The following SFMBT2 variants were observed in gnomAD, a reference collection of about 807,000 sequenced individuals.
The protein encoded by SFMBT2 is scm-like with four MBT domains protein 2.
In SFMBT2, 38 loss-of-function variants were observed where a neutral mutation model predicts 110.1. The observed-to-expected ratio is 0.35, with a 90% CI of 0.27 to 0.45. The LOEUF (loss-of-function observed/expected upper bound fraction) is 0.45, where lower values mean the gene tolerates loss of function less well. Among genes scored for constraint, SFMBT2 ranks in the 20% least tolerant of loss-of-function variants. The probability of loss-of-function intolerance (pLI) is 1.00; values close to 1 mark genes in which losing one functional copy is unlikely to be tolerated. For missense variants in SFMBT2, 1,011 were observed against 1,094.9 expected (o/e 0.92, Z 1.08); for synonymous variants, 425 against 425.4 (o/e 1.00, Z 0.01).
rs1402650139 is a variant in SFMBT2 at position 7,186,423 on chromosome 10, TATAC to T, written c.1808+2197_1808+2200del. Among the ~76,000 whole-genome samples the T allele has an allele frequency of 9.2e-3, 989 of 108,066 alleles. 4 individuals carry two copies. The highest frequency in any genetic ancestry group is 0.025 in the African/African-American group (685 of 27,206). The allele number at this position is 108,066 out of a possible 152,430, so 70.9% of individuals were successfully genotyped here. ...CATATACACATACATACATACTATA[TATAC>T]ACACACACACACACACACACACACA... is the stretch of plus-strand genomic sequence containing the variant. On this transcript the variant is annotated intron_variant, in intron 16 of 20. Transcript: ENST00000397167.
At chr10:7,360,879 A>T (rs1393201622) in intron 4 of SFMBT2, among the ~76,000 whole-genome samples, 1 of 152,238 alleles carries the variant, frequency 6.6e-6, no homozygotes, top group African/African-American at 2.4e-5. Context: ...TTTGTTTCCT[A>T]CCTGAATGTT....
intron 4 of SFMBT2, among the ~76,000 whole-genome samples, chr10:7,353,186 C>T (rs149367343): frequency 6.6e-6 from 1 of 151,954 alleles, no homozygotes; most frequent in Non-Finnish European, 1.5e-5. Context: ...TCATATATTC[C>T]CACCCAAAAA....
chr10:7,410,413 G>A (rs1461526594), intron 1 of SFMBT2, among the ~76,000 whole-genome samples: 1 of 152,246 alleles, frequency 6.6e-6, no homozygotes, highest in African/African-American at 2.4e-5. Flanking sequence ...CGCGGGGTAG[G>A]TAGCAGCGGC....
rs1037227493 is a variant in SFMBT2, at chr10:7,305,054, G to A, written c.437-19100C>T. Reference sequence around the variant, plus strand: ...GTCCCTCTCCTTCTACAGAAAGAGCGCCTGTGTTCATTAGTAAAGTATTAA... The same window carrying A: ...GTCCCTCTCCTTCTACAGAAAGAGCACCTGTGTTCATTAGTAAAGTATTAA... On this transcript the variant is annotated intron_variant, in intron 4 of 20. Transcript: ENST00000397167. Among the ~76,000 whole-genome samples, 9 of 152,182 alleles carry A rather than the reference G, an allele frequency of 5.9e-5. No individual in the cohort carries two copies. The South Asian group carries it at 6.2e-4, about 10-fold the overall frequency.
intron 16 of SFMBT2, among the ~76,000 whole-genome samples, chr10:7,182,134 T>G (rs1259061783): frequency 6.6e-6 from 1 of 152,084 alleles, no homozygotes; most frequent in African/African-American, 2.4e-5. Context: ...ATCTCCCAGG[T>G]TCAAGCGATT....
chr10:7,236,297 C>G (rs1840251466), intron 9 of SFMBT2, among the ~76,000 whole-genome samples: 2 of 152,176 alleles, frequency 1.3e-5, no homozygotes, highest in African/African-American at 4.8e-5. Flanking sequence ...ACCTTACAAA[C>G]CAATGCTAAA....
At chr10:7,179,764 C>T (rs1168028764) in intron 16 of SFMBT2, among the ~76,000 whole-genome samples, 10 of 152,184 alleles carry the variant, frequency 6.6e-5, no homozygotes, top group African/African-American at 2.4e-5. Flanking sequence ...ATGAAGGGAG[C>T]GGTTATCTGG....
chr10:7,214,621 C>G, intron 11 of SFMBT2: 1 of 985,504 alleles, frequency 1.0e-6, no homozygotes, highest in Admixed American at 6.1e-5. Context: ...AGAAACTACA[C>G]ACGTAGCGGA....
intron 14 of SFMBT2, 100 bp from the exon 15 acceptor site, chr10:7,197,787 C>G (rs757584231): frequency 6.8e-7 from 1 of 1,469,758 alleles, no homozygotes; most frequent in Non-Finnish European, 9.0e-7. Flanking sequence ...GGAAAAGGAC[C>G]ACACAGAGCT....
In SFMBT2 at chr10:7,197,641, G is replaced by A. The variant is rs1838820254; in HGVS notation, c.1605C>T (p.His535=). The A allele has an allele frequency of 6.2e-7, 1 of 1,614,110 alleles. No individual in the cohort carries two copies. Among genetic ancestry groups the A allele is most frequent in the African/African-American group, 1.3e-5 (1 of 74,952 alleles). Residue 535 remains histidine (H), a synonymous_variant, in exon 15 of 21, where the codon CAC becomes CAT. Transcript: ENST00000397167. ...TCAGGTAAGGGCCTGAGAAACACCT[G>A]TGGTTGATGAAGAGCTGAGGACAGC... is the stretch of plus-strand genomic sequence containing the variant. The part of the protein sequence containing the change: ...KYCCPQLFIN[H]RCFSGPYLNK...
intron 4 of SFMBT2, among the ~76,000 whole-genome samples, chr10:7,334,536 C>A (rs1408351643): frequency 6.6e-6 from 1 of 152,208 alleles, no homozygotes; most frequent in African/African-American, 2.4e-5. Flanking sequence ...AGGACCACAA[C>A]AGAGTGTTTG....
intron 10 of SFMBT2, among the ~76,000 whole-genome samples, chr10:7,220,850 AG>A (rs1839708044): frequency 6.8e-6 from 1 of 147,214 alleles, no homozygotes; most frequent in Non-Finnish European, 1.5e-5. Context: ...TTTTTGAGAC[AG>A]AGTCTGGCTC....
intron 7 of SFMBT2, among the ~76,000 whole-genome samples, chr10:7,255,667 G>A (rs1176346078): frequency 6.6e-6 from 1 of 152,224 alleles, no homozygotes; most frequent in Non-Finnish European, 1.5e-5. Flanking sequence ...CGTGGTAAAA[G>A]TGGTTCTATC....
chr10:7,218,958 C>T (rs1839633669), intron 11 of SFMBT2, among the ~76,000 whole-genome samples: 1 of 152,170 alleles, frequency 6.6e-6, no homozygotes, highest in African/African-American at 2.4e-5. Flanking sequence ...AAAGTAGAAA[C>T]TGCTAAATAA....
chr10:7,225,948 A>C (rs1308247033), intron 10 of SFMBT2, among the ~76,000 whole-genome samples: 1 of 152,214 alleles, frequency 6.6e-6, no homozygotes, highest in Non-Finnish European at 1.5e-5. Flanking sequence ...GTGAGAAGTC[A>C]AGACAGCACA....
chr10:7,315,162 G>A (rs1036635159), intron 4 of SFMBT2, among the ~76,000 whole-genome samples: 6 of 152,128 alleles, frequency 3.9e-5, no homozygotes, highest in Admixed American at 2.0e-4. Context: ...AAAACGTCAC[G>A]ATCCCCTGTG....
chr10:7,233,075 T>C (rs1012052343), intron 9 of SFMBT2, among the ~76,000 whole-genome samples: 1 of 152,154 alleles, frequency 6.6e-6, no homozygotes, highest in African/African-American at 2.4e-5. Flanking sequence ...TAAAAACTCC[T>C]CTTCTATCCT....
Position 7,273,337 on chromosome 10 carries a change from C to T in SFMBT2, c.870+3555G>A, listed in dbSNP as rs146144861. On this transcript the variant is annotated intron_variant, in intron 7 of 20. Transcript: ENST00000397167. ...AAAAAGATTCCTAAGTTGGGTCCTA[C>T]TCCTGGTCCAGCTGTCTAGACAAGA... Among the ~76,000 whole-genome samples the T allele has an allele frequency of 7.3e-3, 1,114 of 152,316 alleles. 5 individuals are homozygous for T. Among genetic ancestry groups the T allele is most frequent in the Middle Eastern group, 0.02 (6 of 294 alleles).
chr10:7,177,021 T>A (rs1263332308), intron 16 of SFMBT2, among the ~76,000 whole-genome samples: 1 of 152,300 alleles, frequency 6.6e-6, no homozygotes, highest in East Asian at 1.9e-4. Context: ...TCCTCTAGGT[T>A]GGGATGGTGA....
Sources: allele counts gnomAD v4.1 joint callset (sites outside exome capture counted in the v4.1 genomes callset), GRCh38; gene constraint gnomAD v4.1.1; transcripts MANE v1.5; gene names NCBI Gene and HGNC (gene_info 2026-07-23, HGNC 2026-07-21).